The following AKR1B10 variants were observed in gnomAD, a reference collection of about 807,000 sequenced individuals.
AKR1B10 encodes the protein aldo-keto reductase family 1 member B10.
In AKR1B10, 39 loss-of-function variants were observed where a neutral mutation model predicts 38.9. That is an observed-to-expected ratio of 1.00 (90% CI 0.78 to 1.31). The LOEUF (loss-of-function observed/expected upper bound fraction) is 1.31. AKR1B10 is among the 50% of genes most tolerant of loss of function. The pLI is 0.00. For synonymous variants in AKR1B10, 148 were observed against 141.2 expected (o/e 1.05, Z -0.34); for missense variants, 361 against 382.6 (o/e 0.94, Z 0.47).
intron 9 of AKR1B10, 176 bp downstream of exon 9, chr7:134,539,193 A>G (rs1808087473): frequency 1.5e-6 from 1 of 674,622 alleles, no homozygotes; most frequent in South Asian, 2.0e-5. Flanking sequence ...ACACATCTCT[A>G]ATTGCTGCTC....
chr7:134,531,871 T>C, intron 2 of AKR1B10, 37 bp from the exon 3 acceptor site: 1 of 1,611,920 alleles, frequency 6.2e-7, no homozygotes, highest in Admixed American at 1.7e-5. Context: ...CCCTTCCTTT[T>C]CCCAGTATTA....
At chr7:134,538,833 G>A in intron 8 of AKR1B10, 102 bp from the exon 9 acceptor site, 2 of 1,353,464 alleles carry the variant, frequency 1.5e-6, no homozygotes, top group South Asian at 2.5e-5. Context: ...TGGCCAGTTT[G>A]TGCTGTGAAT....
intron 4 of AKR1B10, chr7:134,535,585 C>CT (rs58628862): frequency 0.021 from 8,806 of 410,242 alleles, 174 homozygotes; most frequent in African/African-American, 0.045. Flanking sequence ...TCTTTTCTGT[C>CT]TTTTTTTTTT....
chr7:134,539,708 G>A (rs1468252438), intron 9 of AKR1B10, among the ~76,000 whole-genome samples: 1 of 152,124 alleles, frequency 6.6e-6, no homozygotes, highest in Admixed American at 6.5e-5. Context: ...AAAGGAGGTG[G>A]TGCTAACTTT....
intron 4 of AKR1B10, among the ~76,000 whole-genome samples, chr7:134,535,973 T>C (rs1294969049): frequency 6.6e-6 from 1 of 152,220 alleles, no homozygotes; most frequent in Admixed American, 6.5e-5. Flanking sequence ...ATACAAAGAT[T>C]CCCTTCCTTG....
intron 4 of AKR1B10, among the ~76,000 whole-genome samples, chr7:134,535,907 A>G (rs1407367162): frequency 2.0e-5 from 3 of 152,220 alleles, no homozygotes; most frequent in Admixed American, 6.5e-5. Flanking sequence ...GGCTGCTGCT[A>G]ACATGTATGG....
intron 4 of AKR1B10, chr7:134,535,608 T>TTTTG (rs1554396830): frequency 7.9e-6 from 7 of 881,240 alleles, no homozygotes; most frequent in Admixed American, 8.8e-5. Context: ...TTTTTTTTTT[T>TTTTG]CTTTTGAGGC....
rs758882359 is a variant in AKR1B10 at position 134,541,133 on chromosome 7, C to T, written c.*44C>T. The T allele has an allele frequency of 7.0e-6, 10 of 1,436,098 alleles. No individual in the cohort carries two copies. Among genetic ancestry groups the T allele is most frequent in the Middle Eastern group, 2.0e-4 (1 of 4,890 alleles). 89.0% of individuals were successfully genotyped at this position (1,436,098 alleles called of 1,614,324 possible). A position where few individuals can be genotyped will look rare whatever the true frequency, so the allele number is the denominator to read the frequency against. On this transcript the variant is annotated 3_prime_UTR_variant, in exon 10 of 10. Transcript: ENST00000359579. ...GATTATACAGGAGATTCTCTTTCTT[C>T]GCTGAAGTGTGACTACCTCCACTCA...
At chr7:134,538,074 G>A in intron 7 of AKR1B10, 120 bp from the exon 8 acceptor site, 1 of 950,998 alleles carries the variant, frequency 1.1e-6, no homozygotes, top group Admixed American at 1.8e-5. Flanking sequence ...GAAGGGCTCA[G>A]TAATTATTAG....
intron 1 of AKR1B10, among the ~76,000 whole-genome samples, chr7:134,530,250 C>A (rs1361467437): frequency 6.6e-6 from 1 of 152,168 alleles, no homozygotes; most frequent in African/African-American, 2.4e-5. Flanking sequence ...GGTCTGCACC[C>A]CCACACACCT....
In AKR1B10 at chr7:134,537,677, T is replaced by A. The variant is rs767000188; in HGVS notation, c.741+16T>A. 24 of 1,613,482 alleles carry A rather than the reference T, an allele frequency of 1.5e-5. No individual in the cohort carries two copies. The highest frequency in any genetic ancestry group is 1.4e-5 in the Non-Finnish European group (16 of 1,179,568). On this transcript the variant is annotated intron_variant, in intron 7 of 9. Coordinates refer to ENST00000359579, the MANE Select transcript of AKR1B10 (RefSeq NM_020299.5). ...CGCAGCCCAGGTGCCATATTTTTATTTTTCTTGTTATCCAACAACTCATTC... is the reference window on the plus strand; with the variant it reads ...CGCAGCCCAGGTGCCATATTTTTATATTTCTTGTTATCCAACAACTCATTC...
intron 1 of AKR1B10, among the ~76,000 whole-genome samples, chr7:134,528,757 AAG>A (rs918107809): frequency 6.6e-6 from 1 of 152,050 alleles, no homozygotes; most frequent in African/African-American, 2.4e-5. Flanking sequence ...GAGAGAAAGA[AAG>A]AGAGACAGAG....
At chr7:134,534,656 C>A (rs1283898705) in intron 4 of AKR1B10, among the ~76,000 whole-genome samples, 1 of 152,222 alleles carries the variant, frequency 6.6e-6, no homozygotes, top group Non-Finnish European at 1.5e-5. Flanking sequence ...TGTAGACCCA[C>A]AACCAGTTCA....
chr7:134,535,585 CTTTTTTTTTTTT>C (rs58628862), intron 4 of AKR1B10: 23 of 410,590 alleles, frequency 5.6e-5, no homozygotes, highest in Middle Eastern at 1.3e-3. Context: ...TCTTTTCTGT[CTTTTTTTTTTTT>C]TTTTTTTTTT....
At chr7:134,540,461 A>G (rs1434977822) in intron 9 of AKR1B10, among the ~76,000 whole-genome samples, 1 of 152,142 alleles carries the variant, frequency 6.6e-6, no homozygotes, top group Non-Finnish European at 1.5e-5. Context: ...ATGGGTAGCA[A>G]TGGAGGCAAT....
At position 134,531,748 on chromosome 7, in the gene AKR1B10, C is replaced by T. The variant is rs1049130691; in HGVS notation, c.235-160C>T. On this transcript the variant is annotated intron_variant, in intron 2 of 9. Transcript: ENST00000359579. ...AAGACATGTCATTGAGGTGCTGAGC[C>T]CTGGTGATGTTCCACACTGTGTCGT... Among the ~76,000 whole-genome samples, 28 of 152,082 alleles carry T rather than the reference C, an allele frequency of 1.8e-4. 1 individual carries two copies. The highest frequency in any genetic ancestry group is 5.8e-4 in the African/African-American group (24 of 41,404).
At chr7:134,540,995 T>G (rs1175861000) in intron 9 of AKR1B10, 52 bp from the exon 10 acceptor site, 1 of 1,317,456 alleles carries the variant, frequency 7.6e-7, no homozygotes, top group Non-Finnish European at 1.1e-6. Context: ...CCAGAGTTGT[T>G]GTTTTGATGG....
At position 134,536,893 on chromosome 7, in the gene AKR1B10, G is replaced by A; in HGVS notation, c.552+121G>A. On this transcript the variant is annotated intron_variant, in intron 5 of 9. Transcript: ENST00000359579. ...AGGGGTCAGTGATCAGGACACTTTG[G>A]GGAGGTGTGAGGCTGATCTCACGGG... is the stretch of plus-strand genomic sequence containing the variant. 3 of 1,576,486 alleles carry A rather than the reference G, an allele frequency of 1.9e-6. No individual in the cohort carries two copies. The Admixed American group carries it at 5.2e-5, about 27-fold the overall frequency.
intron 3 of AKR1B10, among the ~76,000 whole-genome samples, chr7:134,532,666 G>A (rs1355915211): frequency 6.6e-6 from 1 of 152,098 alleles, no homozygotes; most frequent in Non-Finnish European, 1.5e-5. Flanking sequence ...ACCACAGCTT[G>A]GATATCTAAT....
Sources: allele counts gnomAD v4.1 joint callset (sites outside exome capture counted in the v4.1 genomes callset), GRCh38; gene constraint gnomAD v4.1.1; transcripts MANE v1.5; gene names NCBI Gene and HGNC (gene_info 2026-07-23, HGNC 2026-07-21).